The following KMT2C variants were observed in gnomAD, a reference collection of about 807,000 sequenced individuals.
The protein encoded by KMT2C is lysine methyltransferase 2C, also known as histone-lysine N-methyltransferase 2C.
Under a neutral mutation model 507.9 loss-of-function variants are expected in KMT2C, and 88 were observed. The observed-to-expected ratio is 0.17, with a 90% CI of 0.15 to 0.21. The LOEUF (loss-of-function observed/expected upper bound fraction) is 0.21, where lower values mean the gene tolerates loss of function less well. Ranked by LOEUF, KMT2C falls within the 10% of genes least tolerant of loss-of-function variation. The pLI is 1.00. For missense variants in KMT2C, 4,954 were observed against 5,957.8 expected (o/e 0.83, Z 5.55); for synonymous variants, 2,049 against 2,080.8 (o/e 0.98, Z 0.42).
chr7:152,375,940 A>G (rs752715825), intron 1 of KMT2C, among the ~76,000 whole-genome samples: 9 of 152,080 alleles, frequency 5.9e-5, no homozygotes, highest in Non-Finnish European at 1.3e-4. Flanking sequence ...GCTCAGCCTC[A>G]TCGGTAGGTG....
intron 23 of KMT2C, among the ~76,000 whole-genome samples, chr7:152,212,085 GGACAGAAAGAAAGACA>G (rs1427246827): frequency 1.3e-5 from 2 of 151,830 alleles, no homozygotes; most frequent in African/African-American, 2.4e-5. Context: ...GACGAGACGA[GGACAGAAAGAAAGACA>G]GACAGAAAGA....
At chr7:152,403,715 TACACACACACACACAC>T (rs36191060) in intron 1 of KMT2C, among the ~76,000 whole-genome samples, 4,017 of 134,480 alleles carry the variant, frequency 0.03, no homozygotes, top group Middle Eastern at 0.057. Flanking sequence ...CTGGGACACA[TACACACACACACACAC>T]ACACACACAC....
chr7:152,263,419 AT>A (rs1329569214), intron 8 of KMT2C, among the ~76,000 whole-genome samples: 1 of 152,222 alleles, frequency 6.6e-6, no homozygotes, highest in Non-Finnish European at 1.5e-5. Context: ...TACTTTTAAA[AT>A]AGAATTTTTG....
chr7:152,422,460 A>T (rs2097783275), intron 1 of KMT2C, among the ~76,000 whole-genome samples: 1 of 150,896 alleles, frequency 6.6e-6, no homozygotes, highest in Non-Finnish European at 1.5e-5. Flanking sequence ...TCTCAAAAAG[A>T]AAAAAAAAGA....
chr7:152,223,654 C>A (rs559977383), intron 20 of KMT2C, among the ~76,000 whole-genome samples: 20 of 151,922 alleles, frequency 1.3e-4, no homozygotes, highest in African/African-American at 3.4e-4. Flanking sequence ...ATTAGCTGGG[C>A]GTGGTGGCAT....
chr7:152,306,919 G>A (rs2096619826), intron 6 of KMT2C, among the ~76,000 whole-genome samples: 1 of 152,202 alleles, frequency 6.6e-6, no homozygotes, highest in African/African-American at 2.4e-5. Context: ...AGTACTTCGG[G>A]AGGATGAGGT....
intron 40 of KMT2C, 126 bp downstream of exon 40, chr7:152,171,138 G>T: frequency 1.9e-6 from 1 of 515,274 alleles, no homozygotes; most frequent in East Asian, 3.4e-5. Flanking sequence ...GGCATATGGT[G>T]AAATCCGCAT....
intron 1 of KMT2C, among the ~76,000 whole-genome samples, chr7:152,401,747 T>C (rs572713126): frequency 1.4e-5 from 2 of 143,128 alleles, no homozygotes; most frequent in East Asian, 4.0e-4. Context: ...CGCATAACTG[T>C]TCTCAACCTT....
intron 2 of KMT2C, among the ~76,000 whole-genome samples, chr7:152,337,957 C>G (rs1420409522): frequency 6.6e-6 from 1 of 151,852 alleles, no homozygotes. Flanking sequence ...CCCAGGTTCA[C>G]GCCATTCTCC....
intron 1 of KMT2C, among the ~76,000 whole-genome samples, chr7:152,427,313 C>G (rs2097828619): frequency 6.6e-6 from 1 of 152,126 alleles, no homozygotes; most frequent in Non-Finnish European, 1.5e-5. Context: ...GCGCCCGGCC[C>G]CCAGAGTATT....
chr7:152,417,975 T>TG (rs1351408318), intron 1 of KMT2C, among the ~76,000 whole-genome samples: 2 of 119,274 alleles, frequency 1.7e-5, no homozygotes, highest in Non-Finnish European at 3.3e-5. Flanking sequence ...AAAAAAAAGA[T>TG]GGAGTCTCAC....
chr7:152,303,486 G>T (rs567010528), intron 6 of KMT2C, among the ~76,000 whole-genome samples: 1 of 152,266 alleles, frequency 6.6e-6, no homozygotes, highest in East Asian at 1.9e-4. Flanking sequence ...ATTAATGCAT[G>T]TATTTATCCC....
intron 3 of KMT2C, among the ~76,000 whole-genome samples, chr7:152,330,387 C>T (rs1338344205): frequency 4.6e-5 from 7 of 151,978 alleles, no homozygotes; most frequent in Admixed American, 1.3e-4. Flanking sequence ...AGAGTAAAAC[C>T]GTAGTGTGCT....
chr7:152,177,010 T>G lies in KMT2C; in HGVS notation c.8443A>C (p.Lys2815Gln). The G allele has an allele frequency of 1.9e-6, 3 of 1,614,154 alleles. No homozygotes were observed. Among genetic ancestry groups the G allele is most frequent in the Non-Finnish European group, 2.5e-6 (3 of 1,180,020 alleles). ...TTTACCTCATTGGTAACAGTGGATT[T>G]TTTCTGTGGTGAATGTTTATCAGAG... The part of the protein sequence containing the change: ...VLSDKHSPQK[K>Q]STVTNEVKTE... Residue 2815 changes from lysine (K) to glutamine (Q), a missense_variant, in exon 38 of 59, where the codon AAA (lysine) becomes CAA (glutamine). This residue lies in a region of KMT2C where 1,689 missense variants were observed against 1,654.3 expected (regional missense o/e 1.02). Coordinates refer to ENST00000262189, the MANE Select transcript of KMT2C (RefSeq NM_170606.3).
At chr7:152,398,652 G>A (rs569362534) in intron 1 of KMT2C, among the ~76,000 whole-genome samples, 51 of 151,782 alleles carry the variant, frequency 3.4e-4, no homozygotes, top group Middle Eastern at 3.4e-3. Context: ...CTCCTACCTC[G>A]GCCTTCCCAA....
chr7:152,335,822 GTTGGCCAGTAGGTTTGCAGGTATACAAC>G (rs2096928974), intron 2 of KMT2C, among the ~76,000 whole-genome samples: 1 of 152,154 alleles, frequency 6.6e-6, no homozygotes, highest in Admixed American at 6.6e-5. Context: ...AATGTTACTG[GTTGGCCAGTAGGTTTGCAGGTATACAAC>G]CTTTTGAAAT....
intron 1 of KMT2C, among the ~76,000 whole-genome samples, chr7:152,421,543 C>G (rs1463893817): frequency 6.6e-6 from 1 of 152,150 alleles, no homozygotes; most frequent in Non-Finnish European, 1.5e-5. Flanking sequence ...ATATACGAGA[C>G]AGAATACTGT....
At chr7:152,312,764 C>T (rs2096684974) in intron 4 of KMT2C, among the ~76,000 whole-genome samples, 2 of 152,134 alleles carry the variant, frequency 1.3e-5, no homozygotes, top group African/African-American at 4.8e-5. Flanking sequence ...GGCTATTGTA[C>T]TTAATTATTA....
chr7:152,166,227 T>G (rs887075135), intron 42 of KMT2C, among the ~76,000 whole-genome samples: 1 of 151,374 alleles, frequency 6.6e-6, no homozygotes, highest in Non-Finnish European at 1.5e-5. Context: ...GGTGCAGGGA[T>G]TCTCCTGCCT....
Sources: gnomAD v4.1 joint callset for allele counts (sites outside exome capture counted in the v4.1 genomes callset) on GRCh38, gnomAD v4.1.1 for gene constraint, gnomAD v4.1.1 regional missense constraint, MANE v1.5 for transcripts, NCBI Gene and HGNC (gene_info 2026-07-23, HGNC 2026-07-21) for gene names.